The following SMOX variants were observed in gnomAD, a reference collection of about 807,000 sequenced individuals.
The protein encoded by SMOX is flavin containing amine oxidase.
Under a neutral mutation model 51.0 loss-of-function variants are expected in SMOX, and 22 were observed. That is an observed-to-expected ratio of 0.43 (90% CI 0.31 to 0.62). The LOEUF is 0.62. SMOX is among the 20% of genes least tolerant of loss of function. The pLI, the probability that SMOX is intolerant of heterozygous loss-of-function variation, is 0.10. For synonymous variants in SMOX, 282 were observed against 307.8 expected (o/e 0.92, Z 0.88); for missense variants, 566 against 777.7 (o/e 0.73, Z 3.24).
At chr20:4,154,204 C>G (rs184197003) in intron 1 of SMOX, among the ~76,000 whole-genome samples, 3 of 152,126 alleles carry the variant, frequency 2.0e-5, no homozygotes, top group African/African-American at 7.2e-5. Context: ...CCCTGGGGAG[C>G]CTTTGAAGGT....
intron 6 of SMOX, among the ~76,000 whole-genome samples, chr20:4,184,152 A>C (rs2122592502): frequency 6.8e-6 from 1 of 146,284 alleles, no homozygotes; most frequent in East Asian, 2.1e-4. Flanking sequence ...TGTCCAGCTA[A>C]TTTTTGTACT....
intron 1 of SMOX, among the ~76,000 whole-genome samples, chr20:4,174,604 G>A (rs1195230859): frequency 6.6e-6 from 1 of 152,154 alleles, no homozygotes; most frequent in East Asian, 1.9e-4. Flanking sequence ...TCTCCTGACT[G>A]TGGCCTTCTT....
chr20:4,166,734 T>C lies in SMOX; in HGVS notation c.-26-8296T>C, dbSNP rs1986587600. ...ACCTCTCCCGGGGGCCTCCCGCTCT[T>C]GCCTCCCAGTGCCTGTGGGGGCCGT... On this transcript the variant is annotated intron_variant, in intron 1 of 6. Transcript: ENST00000305958. The surrounding 1 kb of genome is among the most constrained non-coding windows in gnomAD (Gnocchi z 4.2). Among the ~76,000 whole-genome samples, 1 of 152,248 alleles carries C rather than the reference T, an allele frequency of 6.6e-6. No individual in the cohort carries two copies.
At chr20:4,155,616 A>T (rs1489835518) in intron 1 of SMOX, among the ~76,000 whole-genome samples, 2 of 152,138 alleles carry the variant, frequency 1.3e-5, no homozygotes, top group African/African-American at 4.8e-5. Context: ...TTAATATTAA[A>T]TATTAAAGTT....
At position 4,166,466 on chromosome 20, in the gene SMOX, G is replaced by T. The variant is rs145233584; in HGVS notation, c.-26-8564G>T. ...AGACTGAAGCAATCCTCCTGCCTTG[G>T]CCTCCCAAAGTGCTGGAATTACAGG... On this transcript the variant is annotated intron_variant, in intron 1 of 6. Transcript: ENST00000305958. The surrounding 1 kb of genome is among the most constrained non-coding windows in gnomAD (Gnocchi z 4.2). 8.9e-4 allele frequency among the ~76,000 whole-genome samples: 136 copies of T among 152,186 alleles called. 2 individuals carry two copies. The East Asian group carries it at 0.022, about 25-fold the overall frequency.
chr20:4,150,038 G>C (rs1041085126), intron 1 of SMOX, among the ~76,000 whole-genome samples: 1 of 152,156 alleles, frequency 6.6e-6, no homozygotes, highest in African/African-American at 2.4e-5. Flanking sequence ...GGACTCCAAG[G>C]TCCTCTCCCT....
In SMOX at chr20:4,182,363, A is replaced by G; in HGVS notation, c.884A>G (p.Gln295Arg). Residue 295 changes from glutamine to arginine, a missense_variant, in exon 5 of 7, where the codon CAG becomes CGG. Around this residue, in one of 3 missense-constraint regions of SMOX, gnomAD observed 347 missense variants for 481.8 expected, o/e 0.72. Transcript: ENST00000305958. The surrounding 1 kb of genome is among the most constrained non-coding windows in gnomAD (Gnocchi z 8.4). ...DHNHDTGEGG[Q>R]GGEEPRGGRW... ...AATCACGACACTGGGGAGGGTGGCCAGGGTGGAGAGGAGCCCCGGGGGGGC... is the reference window on the plus strand; with the variant it reads ...AATCACGACACTGGGGAGGGTGGCCGGGGTGGAGAGGAGCCCCGGGGGGGC... 1 of 1,593,032 alleles carries G rather than the reference A, an allele frequency of 6.3e-7. No individual in the cohort carries two copies. Among genetic ancestry groups the G allele is most frequent in the South Asian group, 1.1e-5 (1 of 87,758 alleles).
chr20:4,174,579 C>T (rs1278899380), intron 1 of SMOX, among the ~76,000 whole-genome samples: 1 of 152,118 alleles, frequency 6.6e-6, no homozygotes, highest in African/African-American at 2.4e-5. Flanking sequence ...GAATCAGCAG[C>T]CCCAAGCTCC....
rs1600814040 is a variant in SMOX, at chr20:4,172,761, C to G, written c.-26-2269C>G. ...CTGCACGGAGTTGGCGGGCCTGGGT[C>G]TCAGGGGGACTTGGAGGGATTTTAG... On this transcript the variant is annotated intron_variant, in intron 1 of 6. Coordinates refer to ENST00000305958, the MANE Select transcript of SMOX (RefSeq NM_175839.3). This position sits in a 1 kb window ranked among gnomAD's most constrained non-coding sequence, Gnocchi z 7.7. Among the ~76,000 whole-genome samples the G allele has an allele frequency of 1.1e-5, 1 of 94,958 alleles. No homozygotes were observed. The highest frequency in any genetic ancestry group is 3.8e-4 in the East Asian group (1 of 2,624). 62.3% of individuals were successfully genotyped at this position (94,958 alleles called of 152,430 possible).
chr20:4,174,406 G>A (rs1409723238), intron 1 of SMOX, among the ~76,000 whole-genome samples: 1 of 152,018 alleles, frequency 6.6e-6, no homozygotes, highest in Non-Finnish European at 1.5e-5. Context: ...CGGGGTCCAT[G>A]CAAGTATCTT....
rs1978971978 is a variant in SMOX at position 4,177,568 on chromosome 20, A to G, written c.426A>G (p.Leu142=). 6.3e-7 allele frequency: 1 copy of G among 1,586,988 alleles called. No homozygotes were observed. The highest frequency in any genetic ancestry group is 1.1e-5 in the South Asian group (1 of 87,182). ...PKDVVEEFSD[L]YNEVYNLTQE... ...ACGTGGTTGAGGAATTCAGCGATTTATACAACGAGGTAAGGTGTGAGCAGA... is the reference window on the plus strand; with the variant it reads ...ACGTGGTTGAGGAATTCAGCGATTTGTACAACGAGGTAAGGTGTGAGCAGA... Residue 142 remains leucine, a synonymous_variant, in exon 3 of 7, where the codon TTA becomes TTG. Transcript: ENST00000305958. The surrounding 1 kb of genome is among the most constrained non-coding windows in gnomAD (Gnocchi z 4.3).
At position 4,182,628 on chromosome 20, in the gene SMOX, C is replaced by T; in HGVS notation, c.1149C>T (p.Ser383=). 6.2e-7 allele frequency: 1 copy of T among 1,614,122 alleles called. No individual in the cohort carries two copies. Among genetic ancestry groups the T allele is most frequent in the Non-Finnish European group, 8.5e-7 (1 of 1,180,020 alleles). Residue 383 remains serine, a synonymous_variant, in exon 5 of 7, where the codon AGC becomes AGT. Transcript: ENST00000305958. The surrounding 1 kb of genome is among the most constrained non-coding windows in gnomAD (Gnocchi z 8.4). ...CCTTCTGGGGCCCTGAGTGCAACAG[C>T]CTACAGTTTGTGTGGGAGGACGAAG... ...EEPFWGPECN[S]LQFVWEDEAE...
chr20:4,177,271 G>T lies in SMOX; in HGVS notation c.209-80G>T. ...TGTTGTAGGGTGGAAAGACCCTCTT[G>T]GAGGAAGGAGGGGGAAGCAGTGCTG... On this transcript the variant is annotated intron_variant, in intron 2 of 6. Transcript: ENST00000305958. This position sits in a 1 kb window ranked among gnomAD's most constrained non-coding sequence, Gnocchi z 4.3. 1 of 1,242,456 alleles carries T rather than the reference G, an allele frequency of 8.0e-7. No individual in the cohort carries two copies. The highest frequency in any genetic ancestry group is 1.1e-6 in the Non-Finnish European group (1 of 879,666). The allele number at this position is 1,242,456 out of a possible 1,614,324, so 77.0% of individuals were successfully genotyped here. A position where few individuals can be genotyped will look rare whatever the true frequency, so the allele number is the denominator to read the frequency against.
intron 1 of SMOX, among the ~76,000 whole-genome samples, chr20:4,154,861 G>T (rs988884595): frequency 4.7e-5 from 7 of 150,370 alleles, no homozygotes; most frequent in Non-Finnish European, 1.0e-4. Flanking sequence ...GGGGGTGGGG[G>T]TGGTGCAGGT....
chr20:4,177,213 G>A lies in SMOX; in HGVS notation c.209-138G>A, dbSNP rs554576568. On this transcript the variant is annotated intron_variant, in intron 2 of 6. Transcript: ENST00000305958. The surrounding 1 kb of genome is among the most constrained non-coding windows in gnomAD (Gnocchi z 4.3). ...TTTTCACTGAGGACCTTCGTTGGTT[G>A]CCAGCAGTGGAAGTTCAAGCTCTTT... The A allele has an allele frequency of 2.1e-3, 1,544 of 741,334 alleles. 23 individuals carry two copies. In the South Asian group the frequency reaches 0.023, roughly 11 times the overall value. 45.9% of individuals were successfully genotyped at this position (741,334 alleles called of 1,614,324 possible). A position where few individuals can be genotyped will look rare whatever the true frequency, so the allele number is the denominator to read the frequency against.
At chr20:4,165,487 A>C (rs1986534262) in intron 1 of SMOX, among the ~76,000 whole-genome samples, 1 of 152,204 alleles carries the variant, frequency 6.6e-6, no homozygotes, top group Non-Finnish European at 1.5e-5. Context: ...GGCATGAGCC[A>C]CTGTTCTGGG....
At chr20:4,159,633 A>G (rs1468547092) in intron 1 of SMOX, among the ~76,000 whole-genome samples, 2 of 152,198 alleles carry the variant, frequency 1.3e-5, no homozygotes, top group African/African-American at 4.8e-5. Context: ...AGTGATAACA[A>G]TGATGATAGG....
chr20:4,158,010 C>T (rs1261464240), intron 1 of SMOX, among the ~76,000 whole-genome samples: 1 of 151,828 alleles, frequency 6.6e-6, no homozygotes, highest in East Asian at 1.9e-4. Context: ...ACGCCATTCT[C>T]CTGCCTCAGC....
intron 1 of SMOX, among the ~76,000 whole-genome samples, chr20:4,164,069 C>T (rs1986449356): frequency 6.6e-6 from 1 of 152,102 alleles, no homozygotes; most frequent in Non-Finnish European, 1.5e-5. Flanking sequence ...CTGGGAGCTC[C>T]AAGCACCCCT....
Sources: allele counts gnomAD v4.1 joint callset (sites outside exome capture counted in the v4.1 genomes callset), GRCh38; gene constraint gnomAD v4.1.1; regional missense constraint gnomAD v4.1.1; non-coding constraint Gnocchi (gnomAD v3.1); transcripts MANE v1.5; gene names NCBI Gene and HGNC (gene_info 2026-07-23, HGNC 2026-07-21).